ZFP64: variants seen among roughly 807,000 people sequenced by gnomAD.
The protein encoded by ZFP64 is ZFP64 zinc finger protein.
Under a neutral mutation model 51.6 loss-of-function variants are expected in ZFP64, and 14 were observed. That is an observed-to-expected ratio of 0.27 (90% CI 0.18 to 0.42). The LOEUF (loss-of-function observed/expected upper bound fraction) is 0.42, where lower values mean the gene tolerates loss of function less well. ZFP64 is among the 10% of genes least tolerant of loss of function. The probability of loss-of-function intolerance (pLI) is 1.00; values close to 1 mark genes in which losing one functional copy is unlikely to be tolerated. For synonymous variants in ZFP64, 375 were observed against 361.4 expected, an observed-to-expected ratio of 1.04 and a Z score of -0.43; for missense variants, 754 against 906.8, an observed-to-expected ratio of 0.83 and a Z score of 2.16.
intron 5 of ZFP64, chr20:52,104,978 G>T: frequency 2.3e-6 from 2 of 861,310 alleles, no homozygotes; most frequent in Non-Finnish European, 3.5e-6. Flanking sequence ...AAGGCGGGGG[G>T]CGGGGACGCC....
At chr20:52,128,456 T>C (rs975933401) in intron 5 of ZFP64, among the ~76,000 whole-genome samples, 2 of 152,196 alleles carry the variant, frequency 1.3e-5, no homozygotes, top group East Asian at 1.9e-4. Context: ...TAGCCTACCA[T>C]AGCAACTAAC....
intron 5 of ZFP64, among the ~76,000 whole-genome samples, chr20:52,127,193 G>T (rs1218907313): frequency 6.6e-6 from 1 of 151,970 alleles, no homozygotes; most frequent in African/African-American, 2.4e-5. Context: ...CTCATGATCC[G>T]CCGGCCTCGG....
chr20:52,125,674 T>C (rs1979414128), intron 5 of ZFP64, among the ~76,000 whole-genome samples: 1 of 152,092 alleles, frequency 6.6e-6, no homozygotes, highest in Non-Finnish European at 1.5e-5. Context: ...CCATGTGCGG[T>C]GGGTCACTAT....
intron 2 of ZFP64, among the ~76,000 whole-genome samples, chr20:52,172,672 C>T (rs939673633): frequency 6.6e-6 from 1 of 151,916 alleles, no homozygotes; most frequent in Admixed American, 6.6e-5. Context: ...CTCTTTTCAC[C>T]GAGAATGCAG....
At chr20:52,167,919 T>C (rs999197491) in intron 2 of ZFP64, among the ~76,000 whole-genome samples, 1 of 152,236 alleles carries the variant, frequency 6.6e-6, no homozygotes, top group African/African-American at 2.4e-5. Flanking sequence ...AAACACTATA[T>C]TTCTTTGAAT....
chr20:52,157,703 G>A (rs1981429888), intron 5 of ZFP64, among the ~76,000 whole-genome samples: 1 of 152,094 alleles, frequency 6.6e-6, no homozygotes, highest in Non-Finnish European at 1.5e-5. Context: ...TAAGTTCTGG[G>A]ATACATGTGC....
rs6096798 is a variant in ZFP64, at chr20:52,152,686, C to A, written c.1506G>T (p.Gly502=). Residue 502 remains glycine, a synonymous_variant, in exon 6 of 6, where the codon GGG becomes GGT. Transcript: ENST00000216923. ...TGGTGTTCGCCTGGGGCACCTGATGCCCAACGATGATTTTGACTCTTCCCT... is the reference window on the plus strand; with the variant it reads ...TGGTGTTCGCCTGGGGCACCTGATGACCAACGATGATTTTGACTCTTCCCT... ...FSEGRVKIIV[G]HQVPQANTIV... is the part of the protein sequence containing the mutation. The A allele has an allele frequency of 0.013, 19,801 of 1,546,856 alleles. 2,115 individuals are homozygous for A. The African/African-American group carries it at 0.24, about 19-fold the overall frequency.
At chr20:52,109,072 A>G (rs1978408634) in intron 5 of ZFP64, among the ~76,000 whole-genome samples, 1 of 152,182 alleles carries the variant, frequency 6.6e-6, no homozygotes, top group Non-Finnish European at 1.5e-5. Context: ...GCTTCTGCAA[A>G]TTAAAGTGAA....
At chr20:52,171,133 G>A (rs987104113) in intron 2 of ZFP64, among the ~76,000 whole-genome samples, 1 of 152,190 alleles carries the variant, frequency 6.6e-6, no homozygotes, top group African/African-American at 2.4e-5. Flanking sequence ...CAGATGGTCG[G>A]CTTGCTGGCG....
At chr20:52,098,352 T>C in intron 6 of ZFP64, 2 of 1,555,844 alleles carry the variant, frequency 1.3e-6, no homozygotes. Context: ...AAGAGTAACA[T>C]GAGCAGGCAG....
intron 5 of ZFP64, among the ~76,000 whole-genome samples, chr20:52,106,235 G>C (rs896453091): frequency 1.3e-5 from 2 of 152,198 alleles, no homozygotes; most frequent in African/African-American, 2.4e-5. Context: ...CTGGGACCTC[G>C]ATGAGACCCG....
intron 8 of ZFP64, among the ~76,000 whole-genome samples, chr20:52,086,634 C>T (rs570136530): frequency 3.9e-5 from 6 of 152,126 alleles, no homozygotes; most frequent in South Asian, 4.2e-4. Context: ...CCCGCCACCA[C>T]GCCCAGCTAA....
downstream of ZFP64, among the ~76,000 whole-genome samples, chr20:52,150,357 G>GA (rs1037226089): frequency 1.3e-5 from 2 of 151,936 alleles, no homozygotes; most frequent in African/African-American, 4.8e-5. Context: ...TTATAATCAG[G>GA]AAAAAATCCT....
chr20:52,111,106 G>A, intron 5 of ZFP64: 1 of 876,610 alleles, frequency 1.1e-6, no homozygotes, highest in Non-Finnish European at 1.9e-6. Context: ...GGAGAGAGAC[G>A]CGGAGCGGGG....
intron 5 of ZFP64, among the ~76,000 whole-genome samples, chr20:52,119,537 T>A (rs1329282287): frequency 1.8e-3 from 147 of 82,524 alleles, no homozygotes; most frequent in Admixed American, 2.0e-3. Flanking sequence ...AAAAAAAATA[T>A]ATATATATAT....
rs140962169 is a variant in ZFP64 at position 52,098,832 on chromosome 20, T to C, written c.764-245A>G. ...GCCTGGCCAATATGGTGAAACCCTG[T>C]CTCTACTAAAAATACAAGAATCAGC... On this transcript the variant is annotated intron_variant, in intron 5 of 8. Transcript: ENST00000361387. Among the ~76,000 whole-genome samples the C allele has an allele frequency of 3.3e-4, 50 of 151,716 alleles. 1 individual carries two copies. In the East Asian group the frequency reaches 8.9e-3, roughly 27 times the overall value.
chr20:52,144,566 G>A (rs1374063836), intron 5 of ZFP64, among the ~76,000 whole-genome samples: 3 of 44,952 alleles, frequency 6.7e-5, no homozygotes, highest in East Asian at 8.3e-4. Context: ...GTGACAGAGC[G>A]AGACTCCGTC....
In ZFP64 at chr20:52,126,187, C is replaced by A. The variant is rs555672317; in HGVS notation, c.764-27600G>T. On this transcript the variant is annotated intron_variant, in intron 5 of 8. Coordinates refer to the ZFP64 transcript ENST00000361387. ...TGCTGGGATTTCAGGCATGAACCAG[C>A]GTGCCCGGCCCACAACACGTATTGT... Among the ~76,000 whole-genome samples the A allele has an allele frequency of 3.9e-5, 6 of 152,284 alleles. No homozygotes were observed. The South Asian group carries it at 1.2e-3, about 32-fold the overall frequency.
chr20:52,165,969 T>C lies in ZFP64; in HGVS notation c.343A>G (p.Ser115Gly), dbSNP rs749335450. The C allele has an allele frequency of 1.2e-6, 2 of 1,614,112 alleles. No homozygotes were observed. Among genetic ancestry groups the C allele is most frequent in the Non-Finnish European group, 1.7e-6 (2 of 1,180,012 alleles). The part of the protein sequence containing the change: ...HGYQTYLPTE[S>G]NENQTATVIS... ...ACAGTGGCTGTCTGGTTTTCATTAC[T>C]TTCCGTGGGCAGGTAAGTTTGATAG... Residue 115 changes from serine to glycine, a missense_variant, in exon 3 of 6, where the codon AGT becomes GGT. Physicochemically the swap from Ser to Gly is moderately conservative, Grantham distance 56. Coordinates refer to ENST00000216923, the MANE Select transcript of ZFP64 (RefSeq NM_018197.3).
Sources: allele counts gnomAD v4.1 joint callset (sites outside exome capture counted in the v4.1 genomes callset), GRCh38; gene constraint gnomAD v4.1.1; transcripts MANE v1.5; gene names NCBI Gene and HGNC (gene_info 2026-07-23, HGNC 2026-07-21).